The following STX18 variants were observed in gnomAD, a reference collection of about 807,000 sequenced individuals.
STX18 encodes syntaxin-18.
In STX18, 40 loss-of-function variants were observed where a neutral mutation model predicts 50.1. That is an observed-to-expected ratio of 0.80 (90% CI 0.62 to 1.04). The LOEUF (loss-of-function observed/expected upper bound fraction) is 1.04, where lower values mean the gene tolerates loss of function less well. STX18 is among the 50% of genes least tolerant of loss of function. STX18 has a pLI of 0.00. For synonymous variants in STX18, 158 were observed against 151.8 expected, an observed-to-expected ratio of 1.04 and a Z score of -0.30; for missense variants, 410 against 415.8, an observed-to-expected ratio of 0.99 and a Z score of 0.12.
intron 1 of STX18, among the ~76,000 whole-genome samples, chr4:4,487,364 T>A (rs1728744632): frequency 6.6e-6 from 1 of 152,214 alleles, no homozygotes; most frequent in Non-Finnish European, 1.5e-5. Context: ...ATCATCATCA[T>A]AATAAATCAT....
intron 1 of STX18, among the ~76,000 whole-genome samples, chr4:4,482,749 T>C (rs567457514): frequency 1.5e-3 from 223 of 152,284 alleles, no homozygotes; most frequent in Admixed American, 4.7e-3. Flanking sequence ...CTACTCAAAA[T>C]TGCAGGCCCA....
chr4:4,434,761 T>C lies in STX18; in HGVS notation c.702+9A>G. 1.3e-6 allele frequency: 2 copies of C among 1,598,188 alleles called. No individual in the cohort carries two copies. On this transcript the variant is annotated intron_variant, in intron 7 of 10. Transcript: ENST00000306200. ...TAAAAATAAATAATTAGGCAGAGAA[T>C]AGCATTACCATTTGTATTTCTTCTG...
intron 1 of STX18, among the ~76,000 whole-genome samples, chr4:4,541,265 C>T (rs773493830): frequency 6.6e-6 from 1 of 152,198 alleles, no homozygotes; most frequent in Non-Finnish European, 1.5e-5. Flanking sequence ...GACTGTAACA[C>T]TGTGTTTGCG....
chr4:4,465,932 A>AT (rs1166112416), intron 2 of STX18, among the ~76,000 whole-genome samples: 4 of 152,210 alleles, frequency 2.6e-5, no homozygotes, highest in Non-Finnish European at 5.9e-5. Flanking sequence ...TCTATGGCAC[A>AT]TGGTAGGCAC....
chr4:4,461,960 C>A (rs984188362), intron 2 of STX18: 2 of 456,188 alleles, frequency 4.4e-6, no homozygotes, highest in African/African-American at 4.0e-5. Context: ...TGCAAAGGGG[C>A]CTGTCCCTGC....
At chr4:4,490,325 A>G (rs1728889156) in intron 1 of STX18, among the ~76,000 whole-genome samples, 1 of 152,196 alleles carries the variant, frequency 6.6e-6, no homozygotes, top group Non-Finnish European at 1.5e-5. Context: ...AACTTACAGT[A>G]TTACTCTAAT....
intron 2 of STX18, among the ~76,000 whole-genome samples, chr4:4,460,825 C>CGCTTT (rs1163169493): frequency 6.6e-6 from 1 of 152,134 alleles, no homozygotes; most frequent in Non-Finnish European, 1.5e-5. Context: ...GAGACAAAGG[C>CGCTTT]GCTAAGCCAG....
chr4:4,420,009 T>C lies in STX18; in HGVS notation c.*25A>G, dbSNP rs879154827. 1.9e-6 allele frequency: 3 copies of C among 1,591,192 alleles called. No homozygotes were observed. The highest frequency in any genetic ancestry group is 1.1e-5 in the South Asian group (1 of 87,946). On this transcript the variant is annotated 3_prime_UTR_variant, in exon 11 of 11. Transcript: ENST00000306200. The surrounding 1 kb of genome is among the most constrained non-coding windows in gnomAD (Gnocchi z 4.3). ...AGTCTGTGAGTGCCCATGAGGACTC[T>C]CGTGCTGGGCCCCCGTGGCCCTGGC...
rs923232525 is a variant in STX18 at position 4,484,066 on chromosome 4, G to A, written c.169-12360C>T. Among the ~76,000 whole-genome samples the A allele has an allele frequency of 3.3e-5, 5 of 152,092 alleles. No individual in the cohort carries two copies. The South Asian group carries it at 6.2e-4, about 19-fold the overall frequency. On this transcript the variant is annotated intron_variant, in intron 1 of 10. Coordinates refer to ENST00000306200, the MANE Select transcript of STX18 (RefSeq NM_016930.4). ...TTTAGTAGAGATGGGGTTTCACCATGTTAGCCAGGATGGTCTTGATCTCCT... is the reference window on the plus strand; with the variant it reads ...TTTAGTAGAGATGGGGTTTCACCATATTAGCCAGGATGGTCTTGATCTCCT...
intron 5 of STX18, among the ~76,000 whole-genome samples, chr4:4,448,480 T>C (rs1726553857): frequency 6.6e-6 from 1 of 152,080 alleles, no homozygotes; most frequent in Non-Finnish European, 1.5e-5. Flanking sequence ...TAGCTGGAAT[T>C]ACAGGAGTGC....
In STX18 at chr4:4,459,639, G is replaced by C. The variant is rs1031437880; in HGVS notation, c.237-152C>G. On this transcript the variant is annotated intron_variant, in intron 2 of 10. Coordinates refer to ENST00000306200, the MANE Select transcript of STX18 (RefSeq NM_016930.4). ...AGGAACAGGCCAGGTGAAAAGGTGA[G>C]AGAACCATCTAGATAGATAGTAGAA... 1.2e-5 allele frequency: 8 copies of C among 645,268 alleles called. No homozygotes were observed. The African/African-American group carries it at 1.3e-4, about 10-fold the overall frequency. 40.0% of individuals were successfully genotyped at this position (645,268 alleles called of 1,614,324 possible). A position where few individuals can be genotyped will look rare whatever the true frequency, so the allele number is the denominator to read the frequency against.
intron 1 of STX18, among the ~76,000 whole-genome samples, chr4:4,496,066 A>T (rs1489832042): frequency 6.6e-6 from 1 of 152,214 alleles, no homozygotes; most frequent in Admixed American, 6.5e-5. Flanking sequence ...TACACTTTCA[A>T]AAATGAGATT....
chr4:4,473,811 C>T (rs1165363687), intron 1 of STX18, among the ~76,000 whole-genome samples: 1 of 152,102 alleles, frequency 6.6e-6, no homozygotes, highest in African/African-American at 2.4e-5. Context: ...AAGGGAAATG[C>T]GTGGGTAGAA....
In STX18 at chr4:4,434,855, T is replaced by C; in HGVS notation, c.617A>G (p.Lys206Arg). 6.3e-7 allele frequency: 1 copy of C among 1,599,178 alleles called. No individual in the cohort carries two copies. The highest frequency in any genetic ancestry group is 8.5e-7 in the Non-Finnish European group (1 of 1,176,028). The change falls in exon 7 of 11, where the codon AAA becomes AGA. Residue 206 changes from lysine (K) to arginine (R), a missense_variant. Transcript: ENST00000306200. ...ENPATEERPEKILAETQPELG... is the reference protein window; with the variant it reads ...ENPATEERPERILAETQPELG... Reference sequence around the variant, plus strand: ...TTCAGGTTGTGTTTCAGCCAAAATTTTTTCTGTTAAAAAAAAAATTGAAAA... The same window carrying C: ...TTCAGGTTGTGTTTCAGCCAAAATTCTTTCTGTTAAAAAAAAAATTGAAAA...
intron 5 of STX18, among the ~76,000 whole-genome samples, chr4:4,456,409 C>G (rs1313353525): frequency 6.6e-6 from 1 of 152,234 alleles, no homozygotes; most frequent in Non-Finnish European, 1.5e-5. Flanking sequence ...TATTCCATCT[C>G]CAAGACTGGC....
intron 1 of STX18, among the ~76,000 whole-genome samples, chr4:4,531,985 G>C (rs1731116905): frequency 6.6e-6 from 1 of 152,090 alleles, no homozygotes. Context: ...TTCAACAGGG[G>C]TTCAGATAAA....
chr4:4,429,795 C>T (rs993560558), intron 7 of STX18, among the ~76,000 whole-genome samples: 1 of 152,212 alleles, frequency 6.6e-6, no homozygotes, highest in South Asian at 2.1e-4. Flanking sequence ...AATCCTTGTT[C>T]TAGATGCATG....
At chr4:4,450,534 C>G (rs1726689531) in intron 5 of STX18, among the ~76,000 whole-genome samples, 1 of 152,168 alleles carries the variant, frequency 6.6e-6, no homozygotes, top group Non-Finnish European at 1.5e-5. Flanking sequence ...GAACTCCCGG[C>G]CTCAAGCAAT....
chr4:4,471,493 T>C (rs958106323), intron 2 of STX18, 146 bp downstream of exon 2: 5 of 541,806 alleles, frequency 9.2e-6, no homozygotes, highest in Admixed American at 7.6e-5. Context: ...CCTTTTGCTT[T>C]GAGGAGATTT....
Sources: allele counts gnomAD v4.1 joint callset (sites outside exome capture counted in the v4.1 genomes callset), GRCh38; gene constraint gnomAD v4.1.1; non-coding constraint Gnocchi (gnomAD v3.1); transcripts MANE v1.5; gene names NCBI Gene and HGNC (gene_info 2026-07-23, HGNC 2026-07-21).